MAF: variants seen among roughly 807,000 people sequenced by gnomAD.
The protein encoded by MAF is transcription factor Maf.
MAF carries 10 observed loss-of-function variants against 22.0 expected under a neutral mutation model. The ratio of observed to expected loss-of-function variants is 0.45; its 90% CI spans 0.28 to 0.77. The LOEUF (loss-of-function observed/expected upper bound fraction) is 0.77, where lower values mean the gene tolerates loss of function less well. MAF is among the 30% of genes least tolerant of loss of function. MAF has a pLI of 0.12. For missense variants in MAF, 544 were observed against 548.4 expected (o/e 0.99, Z 0.08); for synonymous variants, 337 against 255.8 (o/e 1.32, Z -3.03).
the MAF span, among the ~76,000 whole-genome samples, chr16:79,210,034 A>G: frequency 2.0e-5 from 3 of 152,222 alleles, no homozygotes; most frequent in Admixed American, 2.0e-4. Flanking sequence ...TATTAAGTTC[A>G]AGTCATGTCA....
chr16:79,329,395 C>A, the MAF span, among the ~76,000 whole-genome samples: 2 of 152,094 alleles, frequency 1.3e-5, no homozygotes, highest in African/African-American at 2.4e-5. Context: ...GAAAGTGCCA[C>A]GCAAATGAGA....
chr16:79,410,025 A>C, the MAF span, among the ~76,000 whole-genome samples: 1 of 152,236 alleles, frequency 6.6e-6, no homozygotes, highest in African/African-American at 2.4e-5. Context: ...TAGGTACACA[A>C]GATTGAAAAC....
the MAF span, among the ~76,000 whole-genome samples, chr16:79,395,476 G>A: frequency 6.6e-6 from 1 of 152,172 alleles, no homozygotes; most frequent in Non-Finnish European, 1.5e-5. Flanking sequence ...CATAATGGAG[G>A]AGGGTGGGTC....
the MAF span, among the ~76,000 whole-genome samples, chr16:79,578,143 G>A: frequency 9.2e-5 from 14 of 152,248 alleles, no homozygotes; most frequent in African/African-American, 3.4e-4. Flanking sequence ...AATTTAAAAT[G>A]ATCACTTTTT....
chr16:79,457,552 T>C, the MAF span, among the ~76,000 whole-genome samples: 1 of 152,140 alleles, frequency 6.6e-6, no homozygotes, highest in Non-Finnish European at 1.5e-5. Flanking sequence ...ATGCTGACAA[T>C]AGTGGAGCTA....
the MAF span, among the ~76,000 whole-genome samples, chr16:79,241,572 G>A: frequency 3.9e-5 from 6 of 152,078 alleles, no homozygotes; most frequent in Admixed American, 2.0e-4. Flanking sequence ...TTTGATTGGT[G>A]TACCTGAAAG....
At chr16:79,326,588 T>A in the MAF span, among the ~76,000 whole-genome samples, 5 of 152,212 alleles carry the variant, frequency 3.3e-5, no homozygotes, top group East Asian at 9.6e-4. Flanking sequence ...TTGGAAAACT[T>A]GTTCTGTAAA....
At chr16:79,521,405 A>T in the MAF span, among the ~76,000 whole-genome samples, 1 of 152,198 alleles carries the variant, frequency 6.6e-6, no homozygotes, top group Non-Finnish European at 1.5e-5. Context: ...GATCTCTCAA[A>T]TGCAGATGAG....
the MAF span, among the ~76,000 whole-genome samples, chr16:79,426,849 T>C: frequency 6.6e-6 from 1 of 152,122 alleles, no homozygotes; most frequent in African/African-American, 2.4e-5. Flanking sequence ...GGCCAACACA[T>C]AGGGTGTATA....
the MAF span, among the ~76,000 whole-genome samples, chr16:79,408,576 G>C: frequency 2.0e-5 from 3 of 147,748 alleles, no homozygotes; most frequent in Non-Finnish European, 4.5e-5. Flanking sequence ...CTAATAATCT[G>C]TCATAAACTT....
chr16:79,435,166 G>A, the MAF span, among the ~76,000 whole-genome samples: 518 of 152,144 alleles, frequency 3.4e-3, 1 homozygote, highest in Non-Finnish European at 5.6e-3. Context: ...CTATACCTAT[G>A]CACGGACACA....
the MAF span, among the ~76,000 whole-genome samples, chr16:79,388,537 C>A: frequency 6.6e-6 from 1 of 152,166 alleles, no homozygotes; most frequent in Non-Finnish European, 1.5e-5. Flanking sequence ...GTGTTAAAAA[C>A]AAACAACTAT....
At chr16:79,202,891 A>C in the MAF span, 1 of 152,242 alleles carries the variant, frequency 6.6e-6, no homozygotes, top group East Asian at 1.9e-4. Context: ...TAGTCAGCAC[A>C]TGCATATTTA....
At chr16:79,360,834 C>G in the MAF span, among the ~76,000 whole-genome samples, 1 of 152,174 alleles carries the variant, frequency 6.6e-6, no homozygotes, top group South Asian at 2.1e-4. Context: ...AGGGATGACT[C>G]AGGAGCATCT....
downstream of MAF, among the ~76,000 whole-genome samples, chr16:79,583,846 G>A (rs1912676586): frequency 6.6e-6 from 1 of 152,164 alleles, no homozygotes; most frequent in Non-Finnish European, 1.5e-5. Flanking sequence ...GCCAAATCGG[G>A]TGAAAGGCAT....
At chr16:79,309,274 G>A in the MAF span, among the ~76,000 whole-genome samples, 8 of 152,184 alleles carry the variant, frequency 5.3e-5, no homozygotes, top group Non-Finnish European at 1.2e-4. Flanking sequence ...GCTATGACCA[G>A]CTGCTTGCAA....
the MAF span, among the ~76,000 whole-genome samples, chr16:79,433,547 G>C: frequency 6.6e-6 from 1 of 151,848 alleles, no homozygotes; most frequent in East Asian, 1.9e-4. Context: ...CAGGTCATCT[G>C]AAAATAATGG....
At chr16:79,555,061 C>A in the MAF span, among the ~76,000 whole-genome samples, 1 of 152,174 alleles carries the variant, frequency 6.6e-6, no homozygotes, top group Non-Finnish European at 1.5e-5. Flanking sequence ...CTGGCAGATA[C>A]ACTTCCTCCC....
At chr16:79,440,587 C>G in the MAF span, among the ~76,000 whole-genome samples, 1 of 152,144 alleles carries the variant, frequency 6.6e-6, no homozygotes, top group Non-Finnish European at 1.5e-5. Flanking sequence ...AGGTATGCGC[C>G]ACCATGCCCG....
Sources: gnomAD v4.1 joint callset for allele counts (sites outside exome capture counted in the v4.1 genomes callset) on GRCh38, gnomAD v4.1.1 for gene constraint, MANE v1.5 for transcripts, NCBI Gene and HGNC (gene_info 2026-07-23, HGNC 2026-07-21) for gene names.